Variants in PTPRD observed in about 807,000 individuals in gnomAD.
The protein encoded by PTPRD is protein tyrosine phosphatase receptor type D, also known as receptor-type tyrosine-protein phosphatase delta.
A neutral mutation model predicts 214.5 loss-of-function variants in PTPRD; 34 were observed. That is an observed-to-expected ratio of 0.16 (90% confidence interval 0.12 to 0.21). The LOEUF (loss-of-function observed/expected upper bound fraction) is 0.21. Among genes scored for constraint, PTPRD ranks in the 10% least tolerant of loss-of-function variants. PTPRD has a pLI of 1.00. For missense variants in PTPRD, 2,545 were observed against 2,398.7 expected (o/e 1.06, Z -1.27); for synonymous variants, 1,128 against 845.7 (o/e 1.33, Z -5.79).
intron 44 of PTPRD, among the ~76,000 whole-genome samples, 166 bp downstream of exon 44, chr9:8,331,416 C>CTTATT (rs1840875705): frequency 2.1e-5 from 1 of 47,282 alleles, no homozygotes. Context: ...ATTATTTTCA[C>CTTATT]TTATTTTCAC....
At chr9:9,335,739 C>G (rs2044186503) in intron 9 of PTPRD, among the ~76,000 whole-genome samples, 2 of 151,842 alleles carry the variant, frequency 1.3e-5, no homozygotes, top group South Asian at 4.2e-4. Flanking sequence ...TGAATTATAC[C>G]TTGGAGAAAA....
intron 3 of PTPRD, among the ~76,000 whole-genome samples, chr9:10,287,768 C>T (rs1421252352): frequency 1.3e-5 from 2 of 152,038 alleles, no homozygotes; most frequent in Non-Finnish European, 2.9e-5. Flanking sequence ...TTCTTTAATA[C>T]ATTAACTAGC....
intron 4 of PTPRD, among the ~76,000 whole-genome samples, chr9:9,942,970 C>T (rs1260648775): frequency 1.3e-5 from 2 of 150,566 alleles, no homozygotes; most frequent in African/African-American, 4.9e-5. Context: ...AATCACAAAG[C>T]GGTGCCACAG....
At chr9:9,008,210 T>TTTATTTATTTA (rs1280795375) in intron 11 of PTPRD, among the ~76,000 whole-genome samples, 2 of 138,272 alleles carry the variant, frequency 1.4e-5, no homozygotes, top group East Asian at 4.3e-4. Flanking sequence ...CTTCATTTTA[T>TTTATTTATTTA]TTATTTATTT....
At chr9:10,341,259 C>T (rs142360001) in intron 2 of PTPRD, among the ~76,000 whole-genome samples, 14 of 152,018 alleles carry the variant, frequency 9.2e-5, no homozygotes, top group African/African-American at 3.4e-4. Flanking sequence ...AAGGCTTACT[C>T]AGAAAGTACA....
In PTPRD at chr9:10,056,436, G is replaced by A. The variant is rs539120030; in HGVS notation, c.-544-22646C>T. On this transcript the variant is annotated intron_variant, in intron 3 of 45. Transcript: ENST00000381196. ...AGGAGGATAACCTCTTTTATTAGCTGCTGGAAAGAAAAAAAAAAACTATTG... is the reference window on the plus strand; with the variant it reads ...AGGAGGATAACCTCTTTTATTAGCTACTGGAAAGAAAAAAAAAAACTATTG... Among the ~76,000 whole-genome samples, 14 of 150,942 alleles carry A rather than the reference G, an allele frequency of 9.3e-5. No homozygotes were observed. In the East Asian group the frequency reaches 2.0e-3, roughly 21 times the overall value.
At chr9:8,529,613 C>T (rs1011690184) in intron 14 of PTPRD, among the ~76,000 whole-genome samples, 1 of 152,206 alleles carries the variant, frequency 6.6e-6, no homozygotes, top group Admixed American at 6.5e-5. Flanking sequence ...GTTCCAGATC[C>T]CAGCTCTTGA....
At chr9:9,426,370 A>T (rs901038106) in intron 8 of PTPRD, among the ~76,000 whole-genome samples, 5 of 152,190 alleles carry the variant, frequency 3.3e-5, no homozygotes, top group African/African-American at 1.2e-4. Flanking sequence ...ATGGGCGCCC[A>T]CCATTGCTGA....
At chr9:10,171,675 C>G (rs772041247) in intron 3 of PTPRD, among the ~76,000 whole-genome samples, 2 of 152,144 alleles carry the variant, frequency 1.3e-5, no homozygotes, top group Non-Finnish European at 2.9e-5. Context: ...CAGGCGCCCG[C>G]TACCACGCCC....
At chr9:9,511,358 T>A (rs1397184304) in intron 8 of PTPRD, among the ~76,000 whole-genome samples, 1 of 151,768 alleles carries the variant, frequency 6.6e-6, no homozygotes, top group Non-Finnish European at 1.5e-5. Context: ...TCAATACAGC[T>A]GTTGTCTTTA....
intron 7 of PTPRD, among the ~76,000 whole-genome samples, chr9:9,730,342 T>C (rs2098166910): frequency 6.6e-6 from 1 of 152,126 alleles, no homozygotes; most frequent in African/African-American, 2.4e-5. Flanking sequence ...AATGAGGAAA[T>C]GAAACAGCCA....
chr9:9,387,627 C>A (rs1358637468), intron 9 of PTPRD, among the ~76,000 whole-genome samples: 1 of 151,916 alleles, frequency 6.6e-6, no homozygotes, highest in Non-Finnish European at 1.5e-5. Flanking sequence ...AATTATTGTC[C>A]ATTATGGACA....
intron 9 of PTPRD, among the ~76,000 whole-genome samples, chr9:9,306,301 C>T (rs1453267707): frequency 6.7e-6 from 1 of 149,924 alleles, no homozygotes; most frequent in East Asian, 2.0e-4. Context: ...CAGTGGCTCA[C>T]ACCTGTAATC....
intron 11 of PTPRD, among the ~76,000 whole-genome samples, chr9:8,897,237 A>C (rs1013833467): frequency 3.3e-5 from 5 of 152,170 alleles, no homozygotes; most frequent in African/African-American, 9.7e-5. Context: ...AGTTGTAGAC[A>C]CTCATCTCAA....
intron 5 of PTPRD, among the ~76,000 whole-genome samples, chr9:9,887,315 T>TA (rs1339298741): frequency 6.6e-6 from 1 of 152,170 alleles, no homozygotes; most frequent in Admixed American, 6.5e-5. Flanking sequence ...TCTATACCTC[T>TA]ATGTTTTTGT....
chr9:9,541,420 A>C (rs998496493), intron 8 of PTPRD, among the ~76,000 whole-genome samples: 2 of 151,832 alleles, frequency 1.3e-5, no homozygotes, highest in Non-Finnish European at 2.9e-5. Flanking sequence ...GAGAGACGCC[A>C]TCTTGGAACT....
chr9:8,926,128 G>A (rs2098889230), intron 11 of PTPRD, among the ~76,000 whole-genome samples: 1 of 151,878 alleles, frequency 6.6e-6, no homozygotes, highest in Non-Finnish European at 1.5e-5. Context: ...AACATGACGT[G>A]CCCTCTTCCA....
At chr9:8,824,880 G>A (rs571909925) in intron 11 of PTPRD, among the ~76,000 whole-genome samples, 8 of 152,138 alleles carry the variant, frequency 5.3e-5, no homozygotes, top group South Asian at 2.1e-4. Flanking sequence ...TTCTTGAAAC[G>A]TAGTATTTTT....
chr9:9,705,803 C>A (rs1451506131), intron 7 of PTPRD, among the ~76,000 whole-genome samples: 1 of 151,900 alleles, frequency 6.6e-6, no homozygotes, highest in East Asian at 1.9e-4. Flanking sequence ...CAACTTATAC[C>A]ATTCTTGAAG....
Sources: allele counts gnomAD v4.1 joint callset (sites outside exome capture counted in the v4.1 genomes callset), GRCh38; gene constraint gnomAD v4.1.1; transcripts MANE v1.5; gene names NCBI Gene and HGNC (gene_info 2026-07-23, HGNC 2026-07-21).